Variants in EPHA7 observed in about 807,000 individuals in gnomAD.
EPHA7 encodes ephrin type-A receptor 7.
A neutral mutation model predicts 112.6 loss-of-function variants in EPHA7; 25 were observed. The observed-to-expected ratio is 0.22, with a 90% confidence interval of 0.16 to 0.31. EPHA7 has a LOEUF of 0.31. EPHA7 is among the 10% of genes least tolerant of loss of function. The pLI, the probability that EPHA7 is intolerant of heterozygous loss-of-function variation, is 1.00. For missense variants in EPHA7, 962 were observed against 1,212.6 expected, an observed-to-expected ratio of 0.79 and a Z score of 3.07; for synonymous variants, 437 against 406.5, an observed-to-expected ratio of 1.07 and a Z score of -0.90.
chr6:93,321,000 T>C (rs1197094514), intron 5 of EPHA7, among the ~76,000 whole-genome samples: 1 of 151,964 alleles, frequency 6.6e-6, no homozygotes, highest in Non-Finnish European at 1.5e-5. Flanking sequence ...AAAATAGCAG[T>C]AAATTCAATC....
chr6:93,417,287 C>T (rs186856428), intron 1 of EPHA7, among the ~76,000 whole-genome samples: 76 of 152,250 alleles, frequency 5.0e-4, no homozygotes, highest in South Asian at 3.7e-3. Flanking sequence ...CCAGCGCTAG[C>T]CCTTGGGTAC....
intron 5 of EPHA7, among the ~76,000 whole-genome samples, chr6:93,312,305 C>G (rs1433669030): frequency 6.6e-6 from 1 of 152,142 alleles, no homozygotes; most frequent in Non-Finnish European, 1.5e-5. Flanking sequence ...TTAGAGTGGT[C>G]ACCTTCATCA....
At chr6:93,283,977 G>C (rs1771923312) in intron 5 of EPHA7, among the ~76,000 whole-genome samples, 1 of 152,080 alleles carries the variant, frequency 6.6e-6, no homozygotes. Context: ...TATTCTTAAA[G>C]TGATATTCAT....
At chr6:93,294,941 A>G (rs1772578435) in intron 5 of EPHA7, among the ~76,000 whole-genome samples, 1 of 152,114 alleles carries the variant, frequency 6.6e-6, no homozygotes, top group African/African-American at 2.4e-5. Flanking sequence ...AAAGATTAAT[A>G]TTGAAAAGTT....
chr6:93,295,860 A>C (rs1474933497), intron 5 of EPHA7, among the ~76,000 whole-genome samples: 5 of 151,924 alleles, frequency 3.3e-5, no homozygotes, highest in Non-Finnish European at 7.4e-5. Flanking sequence ...TGGCTTTATA[A>C]TACATCCCCA....
chr6:93,362,393 A>G (rs1480939518), intron 3 of EPHA7, among the ~76,000 whole-genome samples: 3 of 152,112 alleles, frequency 2.0e-5, no homozygotes, highest in African/African-American at 7.2e-5. Flanking sequence ...CTATTTAAAT[A>G]TTGTCCCACA....
chr6:93,397,133 T>C (rs1024715012), intron 3 of EPHA7, among the ~76,000 whole-genome samples: 2 of 151,896 alleles, frequency 1.3e-5, no homozygotes, highest in Admixed American at 6.6e-5. Context: ...TAAGTATACT[T>C]ACTAAGGTGG....
intron 5 of EPHA7, among the ~76,000 whole-genome samples, chr6:93,356,098 G>A (rs1775929555): frequency 6.6e-6 from 1 of 152,104 alleles, no homozygotes; most frequent in South Asian, 2.1e-4. Flanking sequence ...AGGTAAAAGT[G>A]TGAATACATC....
Position 93,310,302 on chromosome 6 carries a change from G to A in EPHA7, c.1325-37880C>T, listed in dbSNP as rs113927277. 1.6e-3 allele frequency among the ~76,000 whole-genome samples: 239 copies of A among 152,236 alleles called. 1 individual carries two copies. Among genetic ancestry groups the A allele is most frequent in the Non-Finnish European group, 2.5e-3 (172 of 68,004 alleles). ...GAAAATTAAATAAAAATAAGCAATG[G>A]AAAAATCCCCCAATAGATGACATCA... is the stretch of plus-strand genomic sequence containing the variant. On this transcript the variant is annotated intron_variant, in intron 5 of 16. Transcript: ENST00000369303.
At chr6:93,367,630 C>G (rs917215985) in intron 3 of EPHA7, among the ~76,000 whole-genome samples, 6 of 152,198 alleles carry the variant, frequency 3.9e-5, no homozygotes, top group Admixed American at 3.3e-4. Flanking sequence ...CACACACACA[C>G]AAATTATAAG....
At chr6:93,264,827 A>T (rs1770853915) in intron 7 of EPHA7, 125 bp from the exon 8 acceptor site, 1 of 444,910 alleles carries the variant, frequency 2.2e-6, no homozygotes. Context: ...ATTATATTGT[A>T]ACAAAGTAAA....
chr6:93,273,477 CTTTAT>C (rs1247025873), intron 5 of EPHA7, among the ~76,000 whole-genome samples: 3 of 151,942 alleles, frequency 2.0e-5, no homozygotes, highest in African/African-American at 7.2e-5. Flanking sequence ...ATCCCTTTGG[CTTTAT>C]TTTGTTTCTT....
intron 3 of EPHA7, among the ~76,000 whole-genome samples, chr6:93,364,243 G>A (rs892739119): frequency 1.6e-4 from 24 of 152,064 alleles, no homozygotes; most frequent in African/African-American, 5.1e-4. Flanking sequence ...ATCCATCAGG[G>A]CCGGGCACGG....
rs1422163923 is a variant in EPHA7, at chr6:93,254,702, A to G, written c.2477T>C (p.Met826Thr). The G allele has an allele frequency of 6.2e-7, 1 of 1,613,688 alleles. No homozygotes were observed. The highest frequency in any genetic ancestry group is 8.5e-7 in the Non-Finnish European group (1 of 1,179,722). The change falls in exon 14 of 17, where the codon ATG (methionine) becomes ACG (threonine). Residue 826 changes from methionine to threonine, a missense_variant. Coordinates refer to ENST00000369303, the MANE Select transcript of EPHA7 (RefSeq NM_004440.4). ...ASDVWSYGIV[M>T]WEVMSYGERP... ...TTCTCCATAAGACATAACTTCCCAC[A>G]TGACTATTCCATAGCTCCATACATC...
intron 3 of EPHA7, among the ~76,000 whole-genome samples, chr6:93,396,406 C>T (rs1340777855): frequency 6.6e-6 from 1 of 151,778 alleles, no homozygotes; most frequent in Admixed American, 6.6e-5. Context: ...GTGGCTGAAG[C>T]TGTGATATAG....
chr6:93,394,556 T>C (rs1381311018), intron 3 of EPHA7, among the ~76,000 whole-genome samples: 9 of 151,810 alleles, frequency 5.9e-5, no homozygotes. Context: ...CATCTGATTT[T>C]AGATACTTGT....
intron 5 of EPHA7, among the ~76,000 whole-genome samples, chr6:93,294,533 A>AT (rs34342760): frequency 1.3e-5 from 2 of 152,186 alleles, no homozygotes; most frequent in South Asian, 2.1e-4. Flanking sequence ...TCCTTAACAC[A>AT]TTTTTTTAAG....
intron 5 of EPHA7, among the ~76,000 whole-genome samples, chr6:93,278,298 G>A (rs1212435370): frequency 6.6e-6 from 1 of 151,948 alleles, no homozygotes; most frequent in Non-Finnish European, 1.5e-5. Context: ...GTCAACTGTT[G>A]AAAGGTTAAT....
intron 3 of EPHA7, among the ~76,000 whole-genome samples, chr6:93,408,414 C>A (rs1340684378): frequency 6.6e-6 from 1 of 151,926 alleles, no homozygotes; most frequent in Non-Finnish European, 1.5e-5. Context: ...CTCTACTTAC[C>A]CAGTGGAATA....
Sources: allele counts gnomAD v4.1 joint callset (sites outside exome capture counted in the v4.1 genomes callset), GRCh38; gene constraint gnomAD v4.1.1; transcripts MANE v1.5; gene names NCBI Gene and HGNC (gene_info 2026-07-23, HGNC 2026-07-21).